ASPHD2: variants seen among roughly 807,000 people sequenced by gnomAD.
ASPHD2 encodes aspartate beta-hydroxylase domain-containing protein 2.
ASPHD2 carries 12 observed loss-of-function variants against 34.6 expected under a neutral mutation model. The ratio of observed to expected loss-of-function variants is 0.35; its 90% CI spans 0.22 to 0.56. The LOEUF (loss-of-function observed/expected upper bound fraction) is 0.56, where lower values mean the gene tolerates loss of function less well. Among genes scored for constraint, ASPHD2 ranks in the 20% least tolerant of loss-of-function variants. The pLI, the probability that ASPHD2 is intolerant of heterozygous loss-of-function variation, is 0.87. For synonymous variants in ASPHD2, 224 were observed against 212.2 expected (o/e 1.06, Z -0.48); for missense variants, 375 against 505.0 (o/e 0.74, Z 2.47).
At chr22:26,438,516 CATAT>C (rs1446784224) in intron 2 of ASPHD2, among the ~76,000 whole-genome samples, 1 of 102,136 alleles carries the variant, frequency 9.8e-6, no homozygotes, top group South Asian at 4.9e-4. Context: ...TATATACATA[CATAT>C]ATATACATAC....
In ASPHD2 at chr22:26,443,274, C is replaced by CA; in HGVS notation, c.*69dup. 1 of 1,313,776 alleles carries CA rather than the reference C, an allele frequency of 7.6e-7. No individual in the cohort carries two copies. Among genetic ancestry groups the CA allele is most frequent in the Non-Finnish European group, 1.1e-6 (1 of 909,852 alleles). 81.4% of individuals were successfully genotyped at this position (1,313,776 alleles called of 1,614,324 possible). A position where few individuals can be genotyped will look rare whatever the true frequency, so the allele number is the denominator to read the frequency against. The stretch of plus-strand genomic sequence containing the variant: ...GGCCTGGGCAGACTGTGGTCCGGTC[C>CA]AGTCCCTACCGGTGTTGTTTCCATG... On this transcript the variant is annotated 3_prime_UTR_variant, in exon 4 of 4. Coordinates refer to ENST00000215906, the MANE Select transcript of ASPHD2 (RefSeq NM_020437.5).
chr22:26,436,792 T>C (rs2084794899), intron 2 of ASPHD2, among the ~76,000 whole-genome samples: 1 of 152,018 alleles, frequency 6.6e-6, no homozygotes, highest in Admixed American at 6.6e-5. Flanking sequence ...AAATCTGGGG[T>C]TTGCTTTCTG....
rs2084776919 is a variant in ASPHD2, at chr22:26,434,252, A to T, written c.637A>T (p.Ser213Cys). ...CCTCTACAAAGCTTTCTCAAACTGC[A>T]GCCTCCCGCAAGGATGGAAAATGAA... ...ETLYKAFSNCSLPQGWKMNST... is the reference protein window; with the variant it reads ...ETLYKAFSNCCLPQGWKMNST... Residue 213 changes from serine (S) to cysteine (C), a missense_variant, in exon 2 of 4, where the codon AGC (serine) becomes TGC (cysteine). By Grantham distance (112) the Ser-to-Cys change is moderately radical. Transcript: ENST00000215906. 3 of 1,614,218 alleles carry T rather than the reference A, an allele frequency of 1.9e-6. No individual in the cohort carries two copies. The highest frequency in any genetic ancestry group is 1.6e-4 in the Middle Eastern group (1 of 6,062).
chr22:26,443,357 C>T lies in ASPHD2; in HGVS notation c.*151C>T, dbSNP rs2084871411. On this transcript the variant is annotated 3_prime_UTR_variant, in exon 4 of 4. Transcript: ENST00000215906. The stretch of plus-strand genomic sequence containing the variant: ...TTGGGATTTTATATCATGTCGGGTC[C>T]CTCTTTCCCTTGGTTATTGTAAATG... 4.8e-6 allele frequency: 3 copies of T among 628,724 alleles called. No individual in the cohort carries two copies. The highest frequency in any genetic ancestry group is 3.0e-5 in the Admixed American group (1 of 33,100). 38.9% of individuals were successfully genotyped at this position (628,724 alleles called of 1,614,324 possible). A position where few individuals can be genotyped will look rare whatever the true frequency, so the allele number is the denominator to read the frequency against.
Position 26,444,719 on chromosome 22 carries a change from A to G in ASPHD2, c.*1513A>G, listed in dbSNP as rs1320968069. 1.3e-5 allele frequency: 2 copies of G among 152,292 alleles called. No individual in the cohort carries two copies. The allele number at this position is 152,292 out of a possible 1,614,324, so 9.4% of individuals were successfully genotyped here. A position where few individuals can be genotyped will look rare whatever the true frequency, so the allele number is the denominator to read the frequency against. On this transcript the variant is annotated 3_prime_UTR_variant, in exon 4 of 4. Transcript: ENST00000215906. ...ACTGTTGGAAGAAAACACAGTTGAA[A>G]TGCACCAGGCAGGTACTAGCAAGTG...
rs764905985 is a variant in ASPHD2, at chr22:26,443,152, C to T, written c.1056C>T (p.Asn352=). 6.8e-6 allele frequency: 11 copies of T among 1,614,148 alleles called. No individual in the cohort carries two copies. Among genetic ancestry groups the T allele is most frequent in the East Asian group, 2.2e-5 (1 of 44,870 alleles). The change falls in exon 4 of 4, where the codon AAC becomes AAT. Residue 352 remains asparagine, a synonymous_variant. Coordinates refer to ENST00000215906, the MANE Select transcript of ASPHD2 (RefSeq NM_020437.5). Reference sequence around the variant, plus strand: ...TCATGGTGGATTTGTGGCATCCAAACGTCGCAGCGGCCGAACGGCAGGCTC... The same window carrying T: ...TCATGGTGGATTTGTGGCATCCAAATGTCGCAGCGGCCGAACGGCAGGCTC... ...VVFMVDLWHP[N]VAAAERQALD...
At position 26,429,603 on chromosome 22, in the gene ASPHD2, G is replaced by GCGC. The variant is rs1007703827; in HGVS notation, c.-225+134_-225+136dup. Reference sequence around the variant, plus strand: ...GCAGGCCCACGGCCCTCCCTTACCGGCGCCGCCGCCGCCGCCGCCCCCGCC... The same window carrying GCGC: ...GCAGGCCCACGGCCCTCCCTTACCGGCGCCGCCGCCGCCGCCGCCGCCCCCGCC... On this transcript the variant is annotated intron_variant, in intron 1 of 3. Coordinates refer to ENST00000215906, the MANE Select transcript of ASPHD2 (RefSeq NM_020437.5). The surrounding 1 kb of genome is among the most constrained non-coding windows in gnomAD (Gnocchi z 4.5). The GCGC allele has an allele frequency of 3.4e-4, 53 of 154,978 alleles. No homozygotes were observed. The highest frequency in any genetic ancestry group is 3.4e-3 in the Middle Eastern group (1 of 292). 9.6% of individuals were successfully genotyped at this position (154,978 alleles called of 1,614,324 possible). A position where few individuals can be genotyped will look rare whatever the true frequency, so the allele number is the denominator to read the frequency against.
intron 2 of ASPHD2, 30 bp downstream of exon 2, chr22:26,434,531 AT>A: frequency 6.5e-7 from 1 of 1,535,810 alleles, no homozygotes; most frequent in Non-Finnish European, 8.8e-7. Flanking sequence ...GTCTCCCGGC[AT>A]GCACATTTGC....
intron 2 of ASPHD2, among the ~76,000 whole-genome samples, chr22:26,438,598 CACAT>C (rs2084813850): frequency 2.8e-5 from 1 of 36,340 alleles, no homozygotes; most frequent in Non-Finnish European, 7.1e-5. Flanking sequence ...TATATATACA[CACAT>C]ATATACATAT....
rs1334231557 is a variant in ASPHD2 at position 26,443,496 on chromosome 22, A to G, written c.*290A>G. 3 of 292,260 alleles carry G rather than the reference A, an allele frequency of 1.0e-5. No individual in the cohort carries two copies. Among genetic ancestry groups the G allele is most frequent in the Admixed American group, 5.0e-5 (1 of 20,140 alleles). 18.1% of individuals were successfully genotyped at this position (292,260 alleles called of 1,614,324 possible). ...TCCTTTGATTGGTCCTTGAGTGACC[A>G]GAGACTTAGTGCCCTTGTAAGTCTG... On this transcript the variant is annotated 3_prime_UTR_variant, in exon 4 of 4. Transcript: ENST00000215906.
chr22:26,442,977 G>C (rs1244878963), intron 3 of ASPHD2, 120 bp from the exon 4 acceptor site: 3 of 744,150 alleles, frequency 4.0e-6, no homozygotes, highest in Non-Finnish European at 7.3e-6. Flanking sequence ...GATCCGAGCC[G>C]AGGGACAGGA....
chr22:26,444,606 C>T lies in ASPHD2; in HGVS notation c.*1400C>T, dbSNP rs548899640. Reference sequence around the variant, plus strand: ...ATGAGCAGTGTCAGATTTATAAAGCCGAGGAGTGGTTTGGAATATACAGCT... The same window carrying T: ...ATGAGCAGTGTCAGATTTATAAAGCTGAGGAGTGGTTTGGAATATACAGCT... On this transcript the variant is annotated 3_prime_UTR_variant, in exon 4 of 4. Coordinates refer to ENST00000215906, the MANE Select transcript of ASPHD2 (RefSeq NM_020437.5). 11 of 152,250 alleles carry T rather than the reference C, an allele frequency of 7.2e-5. No individual in the cohort carries two copies. Among genetic ancestry groups the T allele is most frequent in the Middle Eastern group, 6.8e-3 (2 of 294 alleles). 9.4% of individuals were successfully genotyped at this position (152,250 alleles called of 1,614,324 possible).
Position 26,439,433 on chromosome 22 carries a change from A to G in ASPHD2, c.887-3026A>G, listed in dbSNP as rs555129726. 2.0e-4 allele frequency among the ~76,000 whole-genome samples: 31 copies of G among 151,922 alleles called. No individual in the cohort carries two copies. In the South Asian group the frequency reaches 6.2e-3, roughly 31 times the overall value. On this transcript the variant is annotated intron_variant, in intron 2 of 3. Transcript: ENST00000215906. ...AATAATAAATAAAGAAAAATCGAAA[A>G]CTCCACAATCACTTTAATTCCTCTG... is the stretch of plus-strand genomic sequence containing the variant.
intron 2 of ASPHD2, among the ~76,000 whole-genome samples, chr22:26,440,492 T>C (rs1334281387): frequency 6.6e-6 from 1 of 151,958 alleles, no homozygotes; most frequent in Non-Finnish European, 1.5e-5. Flanking sequence ...CCACCATGCC[T>C]GGCTCATTTT....
Position 26,429,707 on chromosome 22 carries a change from C to G in ASPHD2, c.-225+221C>G, listed in dbSNP as rs2084745094. Among the ~76,000 whole-genome samples the G allele has an allele frequency of 6.6e-6, 1 of 152,006 alleles. No individual in the cohort carries two copies. The highest frequency in any genetic ancestry group is 2.4e-5 in the African/African-American group (1 of 41,422). On this transcript the variant is annotated intron_variant, in intron 1 of 3. Transcript: ENST00000215906. This position sits in a 1 kb window ranked among gnomAD's most constrained non-coding sequence, Gnocchi z 4.5. ...TCGTACGTGCTAAGCGCCGCCGCCT[C>G]GGAGCCGGGCATCACCCTCCCTAGA...
intron 2 of ASPHD2, 100 bp from the exon 3 acceptor site, chr22:26,442,359 T>C (rs902930382): frequency 1.2e-5 from 10 of 867,214 alleles, no homozygotes; most frequent in African/African-American, 1.7e-5. Flanking sequence ...TCAGGTGCTT[T>C]AGAAGTCAAA....
chr22:26,434,602 T>A lies in ASPHD2; in HGVS notation c.886+101T>A, dbSNP rs1185567786. Reference sequence around the variant, plus strand: ...GCTCAAATGGTCAGAATTGCGCCTTTTCGCATTGTTCACTTTTAGCAAAAA... The same window carrying A: ...GCTCAAATGGTCAGAATTGCGCCTTATCGCATTGTTCACTTTTAGCAAAAA... On this transcript the variant is annotated intron_variant, in intron 2 of 3. Coordinates refer to ENST00000215906, the MANE Select transcript of ASPHD2 (RefSeq NM_020437.5). The A allele has an allele frequency of 4.5e-6, 6 of 1,328,456 alleles. No individual in the cohort carries two copies. The African/African-American group carries it at 8.8e-5, about 19-fold the overall frequency. The allele number at this position is 1,328,456 out of a possible 1,614,324, so 82.3% of individuals were successfully genotyped here.
At chr22:26,434,646 A>T (rs1212993914) in intron 2 of ASPHD2, 145 bp downstream of exon 2, 4 of 890,066 alleles carry the variant, frequency 4.5e-6, no homozygotes, top group Non-Finnish European at 5.0e-6. Flanking sequence ...TTGCATGTAA[A>T]CAATTTGACA....
Position 26,434,352 on chromosome 22 carries a change from A to G in ASPHD2, c.737A>G (p.Lys246Arg). The G allele has an allele frequency of 6.2e-7, 1 of 1,614,190 alleles. No homozygotes were observed. The highest frequency in any genetic ancestry group is 8.5e-7 in the Non-Finnish European group (1 of 1,180,038). ...QGVCVPRNCR[K>R]CPRTYRLLGS... ...GTTTGTGTTCCCAGGAACTGTAGGA[A>G]GTGCCCACGGACGTACCGCTTGCTC... The change falls in exon 2 of 4, where the codon AAG becomes AGG. Residue 246 changes from lysine to arginine, a missense_variant. By Grantham distance (26) the Lys-to-Arg change is conservative. This residue lies in a region of ASPHD2 where 142 missense variants were observed against 217.9 expected (regional missense o/e 0.65). Transcript: ENST00000215906.
Sources: gnomAD v4.1 joint callset for allele counts (sites outside exome capture counted in the v4.1 genomes callset) on GRCh38, gnomAD v4.1.1 for gene constraint, gnomAD v4.1.1 regional missense constraint, Gnocchi (gnomAD v3.1) non-coding constraint, MANE v1.5 for transcripts, NCBI Gene and HGNC (gene_info 2026-07-23, HGNC 2026-07-21) for gene names.